Variants in FOXRED2 observed in about 807,000 individuals in gnomAD.
FOXRED2 encodes FAD dependent oxidoreductase domain containing 2, also known as FAD-dependent oxidoreductase domain-containing protein 2.
A neutral mutation model predicts 52.5 loss-of-function variants in FOXRED2; 32 were observed. The ratio of observed to expected loss-of-function variants is 0.61; its 90% CI spans 0.46 to 0.82. The LOEUF (loss-of-function observed/expected upper bound fraction) is 0.82. FOXRED2 is among the 40% of genes least tolerant of loss of function. The pLI is 0.00. For synonymous variants in FOXRED2, 405 were observed against 398.1 expected (o/e 1.02, Z -0.21); for missense variants, 848 against 937.5 (o/e 0.90, Z 1.25).
Position 36,506,078 on chromosome 22 carries a change from C to T in FOXRED2, c.345G>A (p.Ser115=), listed in dbSNP as rs1003049632. 14 of 1,614,086 alleles carry T rather than the reference C, an allele frequency of 8.7e-6. No individual in the cohort carries two copies. Among genetic ancestry groups the T allele is most frequent in the Non-Finnish European group, 1.1e-5 (13 of 1,180,036 alleles). The change falls in exon 2 of 9, where the codon TCG becomes TCA. Residue 115 remains serine, a synonymous_variant. Transcript: ENST00000397224. The part of the protein sequence containing the change: ...HDPRLLFRHY[S]RAYFPDARDM... Reference sequence around the variant, plus strand: ...CGCGGGCGTCGGGGAAGTAGGCACGCGAGTAGTGTCTGAAGAGCAGCCGGG... The same window carrying T: ...CGCGGGCGTCGGGGAAGTAGGCACGTGAGTAGTGTCTGAAGAGCAGCCGGG...
chr22:36,505,831 C>T, intron 2 of FOXRED2, 65 bp downstream of exon 2: 8 of 1,529,202 alleles, frequency 5.2e-6, no homozygotes, highest in Non-Finnish European at 6.3e-6. Context: ...ACTGGCCAAT[C>T]AAGGTGTGTG....
intron 8 of FOXRED2, among the ~76,000 whole-genome samples, chr22:36,491,075 TC>T (rs1350953488): frequency 6.6e-6 from 1 of 150,764 alleles, no homozygotes; most frequent in Non-Finnish European, 1.5e-5. Flanking sequence ...GGCAGGAGAA[TC>T]ACTCGAATCC....
At chr22:36,504,848 A>T in intron 2 of FOXRED2, 82 bp from the exon 3 acceptor site, 1 of 1,480,330 alleles carries the variant, frequency 6.8e-7, no homozygotes, top group South Asian at 1.3e-5. Flanking sequence ...GGACCCACCC[A>T]CCCACCTGCC....
chr22:36,500,637 G>A (rs999257917), intron 5 of FOXRED2, among the ~76,000 whole-genome samples: 2 of 145,098 alleles, frequency 1.4e-5, no homozygotes, highest in Non-Finnish European at 3.0e-5. Flanking sequence ...AGGCTGGAGT[G>A]CAATGGTGCG....
In FOXRED2 at chr22:36,489,154, A is replaced by G; in HGVS notation, c.*854T>C. 1 of 152,404 alleles carries G rather than the reference A, an allele frequency of 6.6e-6. No homozygotes were observed. Among genetic ancestry groups the G allele is most frequent in the Non-Finnish European group, 1.5e-5 (1 of 68,060 alleles). 9.4% of individuals were successfully genotyped at this position (152,404 alleles called of 1,614,324 possible). A position where few individuals can be genotyped will look rare whatever the true frequency, so the allele number is the denominator to read the frequency against. On this transcript the variant is annotated 3_prime_UTR_variant, in exon 9 of 9. Transcript: ENST00000397224. ...TAAGTTTCACAAAACTTGACCAGGC[A>G]GGTTAGAAGCAAGGCATGGTTCAGG...
chr22:36,505,243 A>G (rs1174240882), intron 2 of FOXRED2, among the ~76,000 whole-genome samples: 1 of 152,202 alleles, frequency 6.6e-6, no homozygotes, highest in Non-Finnish European at 1.5e-5. Context: ...GACTCCTCCA[A>G]GCAACCTGGA....
intron 7 of FOXRED2, among the ~76,000 whole-genome samples, chr22:36,494,888 C>T (rs111300667): frequency 0.025 from 3,728 of 152,142 alleles, 148 homozygotes; most frequent in African/African-American, 0.086. Context: ...CCGCCCGCCT[C>T]GGCCTCCCAA....
intron 2 of FOXRED2, 57 bp from the exon 3 acceptor site, chr22:36,504,823 T>A: frequency 6.3e-7 from 1 of 1,581,526 alleles, no homozygotes; most frequent in Non-Finnish European, 8.6e-7. Flanking sequence ...GACCACTAAG[T>A]GAAAACCACT....
chr22:36,503,023 C>CT (rs199812485), intron 4 of FOXRED2, among the ~76,000 whole-genome samples: 3,323 of 148,796 alleles, frequency 0.022, 56 homozygotes, highest in Non-Finnish European at 0.036. Context: ...GGGTCTCACT[C>CT]TGTTGCCCAG....
intron 6 of FOXRED2, among the ~76,000 whole-genome samples, chr22:36,496,599 A>G (rs1933905767): frequency 6.6e-6 from 1 of 152,234 alleles, no homozygotes; most frequent in Non-Finnish European, 1.5e-5. Context: ...TGCGCCTCCC[A>G]TGACGAGACG....
chr22:36,506,337 G>A lies in FOXRED2; in HGVS notation c.86C>T (p.Pro29Leu), dbSNP rs767266488. The A allele has an allele frequency of 8.6e-5, 129 of 1,494,932 alleles. No individual in the cohort carries two copies. The highest frequency in any genetic ancestry group is 1.1e-4 in the Non-Finnish European group (125 of 1,124,896). 92.6% of individuals were successfully genotyped at this position (1,494,932 alleles called of 1,614,324 possible). Reference sequence around the variant, plus strand: ...GCCCAGCACGCAGTAGTCCCGGCGCGGGGGCACCGACAGCGCTGGGTGCAG... The same window carrying A: ...GCCCAGCACGCAGTAGTCCCGGCGCAGGGGCACCGACAGCGCTGGGTGCAG... ...IALHPALSVPPRRDYCVLGAG... is the reference protein window; with the variant it reads ...IALHPALSVPLRRDYCVLGAG... Residue 29 changes from proline (P) to leucine (L), a missense_variant, in exon 2 of 9, where the codon CCG (proline) becomes CTG (leucine). Physicochemically the swap from Pro to Leu is moderately conservative, Grantham distance 98. Transcript: ENST00000397224.
intron 7 of FOXRED2, 89 bp downstream of exon 7, chr22:36,495,878 G>T: frequency 7.0e-7 from 1 of 1,431,770 alleles, no homozygotes; most frequent in Non-Finnish European, 9.7e-7. Context: ...AGCTGAGCAT[G>T]TGTGTGAAGG....
Position 36,495,990 on chromosome 22 carries a change from T to C in FOXRED2, c.1601A>G (p.Tyr534Cys). The C allele has an allele frequency of 1.2e-6, 2 of 1,614,082 alleles. No individual in the cohort carries two copies. The highest frequency in any genetic ancestry group is 1.7e-6 in the Non-Finnish European group (2 of 1,180,014). The change falls in exon 7 of 9, where the codon TAC (tyrosine) becomes TGC (cysteine). Residue 534 changes from tyrosine to cysteine, a missense_variant. Coordinates refer to ENST00000397224, the MANE Select transcript of FOXRED2 (RefSeq NM_001102371.2). ...ACCGGTGGGGAGGTATCTATAGTAG[T>C]AGATGACAGGATGAAGAAAGTTAGA... is the stretch of plus-strand genomic sequence containing the variant. ...WQSNFLHPVI[Y>C]YYRYLPTEQE...
chr22:36,490,066 G>T lies in FOXRED2; in HGVS notation c.1997C>A (p.Ser666Tyr), dbSNP rs1444311712. The change falls in exon 9 of 9, where the codon TCC becomes TAC. Residue 666 changes from serine (S) to tyrosine (Y), a missense_variant. Physicochemically the swap from Ser to Tyr is moderately radical, Grantham distance 144. Transcript: ENST00000397224. ...AGCCAGAGGCCCTGGAGCCAGGGGG[G>T]AACCTAGTGGCTCTTGGTCGCCAAG... ...QQLGDQEPLG[S>Y]PLAPGPLAQS... 9 of 1,612,742 alleles carry T rather than the reference G, an allele frequency of 5.6e-6. No individual in the cohort carries two copies. The East Asian group carries it at 1.6e-4, about 28-fold the overall frequency.
intron 1 of FOXRED2, 145 bp downstream of exon 1, chr22:36,506,864 C>T (rs1275860500): frequency 6.3e-6 from 1 of 158,144 alleles, no homozygotes; most frequent in Admixed American, 6.4e-5. Flanking sequence ...CTGCCAGGGT[C>T]CGCGCGCCCC....
At chr22:36,502,750 T>A (rs1283135973) in intron 4 of FOXRED2, among the ~76,000 whole-genome samples, 8 of 152,150 alleles carry the variant, frequency 5.3e-5, no homozygotes, top group Admixed American at 2.6e-4. Context: ...GAGTCCACAA[T>A]GGCGCGATCT....
chr22:36,497,145 T>A (rs1933922128), intron 6 of FOXRED2, among the ~76,000 whole-genome samples: 1 of 151,546 alleles, frequency 6.6e-6, no homozygotes, highest in African/African-American at 2.4e-5. Context: ...ACCACTGCAC[T>A]CCAGCCTGGG....
chr22:36,490,155 C>A lies in FOXRED2; in HGVS notation c.1908G>T (p.Val636=). ...VSTESLWQHR[V]ESRLLRDYAP... ...CATAGTCCCGCAGGAGCCTGCTCTC[C>A]ACTCTGTGCTGCCAAAGGCTCTCGG... Residue 636 remains valine, a synonymous_variant, in exon 9 of 9, where the codon GTG becomes GTT. Transcript: ENST00000397224. 2 of 1,614,160 alleles carry A rather than the reference C, an allele frequency of 1.2e-6. No individual in the cohort carries two copies. The highest frequency in any genetic ancestry group is 1.7e-6 in the Non-Finnish European group (2 of 1,179,980).
At position 36,490,001 on chromosome 22, in the gene FOXRED2, G is replaced by C; in HGVS notation, c.*7C>G. Reference sequence around the variant, plus strand: ...GGCCACTGTGCCCACAGCTTAGGAAGGGACAGTCAGAGCTCCTCTTTGTTG... The same window carrying C: ...GGCCACTGTGCCCACAGCTTAGGAACGGACAGTCAGAGCTCCTCTTTGTTG... On this transcript the variant is annotated 3_prime_UTR_variant, in exon 9 of 9. Transcript: ENST00000397224. 1.9e-6 allele frequency: 3 copies of C among 1,559,998 alleles called. No homozygotes were observed. The highest frequency in any genetic ancestry group is 2.6e-6 in the Non-Finnish European group (3 of 1,148,702).
Sources: allele counts gnomAD v4.1 joint callset (sites outside exome capture counted in the v4.1 genomes callset), GRCh38; gene constraint gnomAD v4.1.1; transcripts MANE v1.5; gene names NCBI Gene and HGNC (gene_info 2026-07-23, HGNC 2026-07-21).